Variants in ST3GAL4 observed in about 807,000 individuals in gnomAD.
ST3GAL4 encodes CMP-N-acetylneuraminate-beta-galactosamide-alpha-2,3-sialyltransferase 4.
A neutral mutation model predicts 42.6 loss-of-function variants in ST3GAL4; 24 were observed. The observed-to-expected ratio is 0.56, with a 90% CI of 0.41 to 0.79. ST3GAL4 has a LOEUF of 0.79. ST3GAL4 is among the 30% of genes least tolerant of loss of function. The pLI is 0.00. For missense variants in ST3GAL4, 311 were observed against 430.8 expected, an observed-to-expected ratio of 0.72 and a Z score of 2.46; for synonymous variants, 135 against 163.2, an observed-to-expected ratio of 0.83 and a Z score of 1.32.
chr11:126,401,558 A>G (rs74530630), intron 1 of ST3GAL4, among the ~76,000 whole-genome samples: 1 of 136,622 alleles, frequency 7.3e-6, no homozygotes, highest in African/African-American at 2.6e-5. Context: ...TCCCTCTCAG[A>G]AAAAAAAAAA....
In ST3GAL4 at chr11:126,376,565, C is replaced by G. The variant is rs896785060; in HGVS notation, c.-61+20723C>G. 6.6e-6 allele frequency among the ~76,000 whole-genome samples: 1 copy of G among 152,176 alleles called. No homozygotes were observed. The highest frequency in any genetic ancestry group is 1.5e-5 in the Non-Finnish European group (1 of 68,030). On this transcript the variant is annotated intron_variant, in intron 1 of 10. Transcript: ENST00000444328. The surrounding 1 kb of genome is among the most constrained non-coding windows in gnomAD (Gnocchi z 5.1). Reference sequence around the variant, plus strand: ...TATTTGTGTCAAACAGAAGCATTTACCATAAATAACCCCAGTTAAGATTTG... The same window carrying G: ...TATTTGTGTCAAACAGAAGCATTTAGCATAAATAACCCCAGTTAAGATTTG...
At chr11:126,387,998 G>T (rs1447063711) in intron 1 of ST3GAL4, among the ~76,000 whole-genome samples, 1 of 152,196 alleles carries the variant, frequency 6.6e-6, no homozygotes, top group Non-Finnish European at 1.5e-5. Flanking sequence ...GTGTTTCCTT[G>T]TCTGTGAGCA....
chr11:126,365,457 C>T (rs1394208257), intron 1 of ST3GAL4, among the ~76,000 whole-genome samples: 1 of 152,162 alleles, frequency 6.6e-6, no homozygotes, highest in African/African-American at 2.4e-5. Flanking sequence ...CCTGGCATCG[C>T]CTTCAGTTGA....
rs1328818533 is a variant in ST3GAL4 at position 126,391,382 on chromosome 11, CT to C, written c.-60-14713del. 6.6e-6 allele frequency among the ~76,000 whole-genome samples: 1 copy of C among 152,008 alleles called. No homozygotes were observed. Among genetic ancestry groups the C allele is most frequent in the African/African-American group, 2.4e-5 (1 of 41,370 alleles). On this transcript the variant is annotated intron_variant, in intron 1 of 10. Coordinates refer to ENST00000444328, the MANE Select transcript of ST3GAL4 (RefSeq NM_001254757.2). The surrounding 1 kb of genome is among the most constrained non-coding windows in gnomAD (Gnocchi z 5.5). ...TGAGCACTTAGCAACCTTGTGCCTG[CT>C]GAGTGGTGGAACAGTTCTGAAAAGG...
At position 126,383,978 on chromosome 11, in the gene ST3GAL4, C is replaced by T. The variant is rs577274744; in HGVS notation, c.-60-22118C>T. Among the ~76,000 whole-genome samples, 1 of 152,264 alleles carries T rather than the reference C, an allele frequency of 6.6e-6. No individual in the cohort carries two copies. Among genetic ancestry groups the T allele is most frequent in the East Asian group, 1.9e-4 (1 of 5,168 alleles). ...GGGTGGAGGGCTTGCTTTTCCTGCCCACCCTCATCTTTGCCGAGTCCTCGT... is the reference window on the plus strand; with the variant it reads ...GGGTGGAGGGCTTGCTTTTCCTGCCTACCCTCATCTTTGCCGAGTCCTCGT... On this transcript the variant is annotated intron_variant, in intron 1 of 10. Coordinates refer to ENST00000444328, the MANE Select transcript of ST3GAL4 (RefSeq NM_001254757.2). The surrounding 1 kb of genome is among the most constrained non-coding windows in gnomAD (Gnocchi z 4.5).
intron 1 of ST3GAL4, among the ~76,000 whole-genome samples, chr11:126,375,745 G>A (rs1372432187): frequency 6.6e-6 from 1 of 152,140 alleles, no homozygotes. Flanking sequence ...CTGGTGTCTA[G>A]TGGGTAGAGG....
chr11:126,377,981 C>T (rs183838357), intron 1 of ST3GAL4, among the ~76,000 whole-genome samples: 57 of 152,158 alleles, frequency 3.7e-4, no homozygotes, highest in African/African-American at 1.2e-3. Context: ...CTGAGAGAAA[C>T]GGGCTCTTAC....
chr11:126,383,852 C>T lies in ST3GAL4; in HGVS notation c.-60-22244C>T, dbSNP rs1195328401. ...CCTCCTCCCCTCGTCTTCCCTCCCT[C>T]ATGGCCCACCTTTACTCTGAGGGGG... On this transcript the variant is annotated intron_variant, in intron 1 of 10. Coordinates refer to ENST00000444328, the MANE Select transcript of ST3GAL4 (RefSeq NM_001254757.2). The surrounding 1 kb of genome is among the most constrained non-coding windows in gnomAD (Gnocchi z 4.5). Among the ~76,000 whole-genome samples, 2 of 152,330 alleles carry T rather than the reference C, an allele frequency of 1.3e-5. No homozygotes were observed. The highest frequency in any genetic ancestry group is 4.8e-5 in the African/African-American group (2 of 41,580).
At chr11:126,375,456 A>G (rs1420012099) in intron 1 of ST3GAL4, among the ~76,000 whole-genome samples, 4 of 152,022 alleles carry the variant, frequency 2.6e-5, no homozygotes, top group African/African-American at 9.7e-5. Context: ...TCTGCACGGG[A>G]TGGTTTTAGA....
rs1954614689 is a variant in ST3GAL4 at position 126,413,389 on chromosome 11, C to T, written c.772-116C>T. ...TTAGCTCGTGGCTTGTCTTGTTGGA[C>T]AGCGCAGATGGAGAACGTTTCCGTG... On this transcript the variant is annotated intron_variant, in intron 9 of 10. Coordinates refer to ENST00000444328, the MANE Select transcript of ST3GAL4 (RefSeq NM_001254757.2). 5.2e-6 allele frequency: 7 copies of T among 1,336,988 alleles called. No individual in the cohort carries two copies. The Admixed American group carries it at 7.5e-5, about 14-fold the overall frequency. 82.8% of individuals were successfully genotyped at this position (1,336,988 alleles called of 1,614,324 possible).
chr11:126,409,143 C>T lies in ST3GAL4; in HGVS notation c.628-125C>T. 8.3e-7 allele frequency: 1 copy of T among 1,210,566 alleles called. No individual in the cohort carries two copies. The highest frequency in any genetic ancestry group is 1.2e-6 in the Non-Finnish European group (1 of 847,584). 75.0% of individuals were successfully genotyped at this position (1,210,566 alleles called of 1,614,324 possible). The stretch of plus-strand genomic sequence containing the variant: ...CAGACTTCACCTCCCTTTCCTCTCA[C>T]CTTGTGCTCCTGAAGGCCTCTGCCA... On this transcript the variant is annotated intron_variant, in intron 8 of 10. Transcript: ENST00000444328. The surrounding 1 kb of genome is among the most constrained non-coding windows in gnomAD (Gnocchi z 4.9).
At chr11:126,389,657 T>A (rs1050586197) in intron 1 of ST3GAL4, among the ~76,000 whole-genome samples, 1 of 152,194 alleles carries the variant, frequency 6.6e-6, no homozygotes, top group African/African-American at 2.4e-5. Context: ...TCTCATCTCC[T>A]GGGCTCAAGT....
At chr11:126,357,490 C>T (rs1952111139) in intron 1 of ST3GAL4, among the ~76,000 whole-genome samples, 1 of 152,100 alleles carries the variant, frequency 6.6e-6, no homozygotes, top group African/African-American at 2.4e-5. Flanking sequence ...GAGCTGGCGG[C>T]CCAGGCTGAG....
rs779792555 is a variant in ST3GAL4 at position 126,398,361 on chromosome 11, T to C, written c.-60-7735T>C. The stretch of plus-strand genomic sequence containing the variant: ...AATCCCAACTTGACAATAATCTTCT[T>C]TGACTCCATGTCCTGCCTTCCAGAC... On this transcript the variant is annotated intron_variant, in intron 1 of 10. Coordinates refer to ENST00000444328, the MANE Select transcript of ST3GAL4 (RefSeq NM_001254757.2). This position sits in a 1 kb window ranked among gnomAD's most constrained non-coding sequence, Gnocchi z 4.7. Among the ~76,000 whole-genome samples the C allele has an allele frequency of 3.9e-5, 6 of 152,242 alleles. No individual in the cohort carries two copies. Among genetic ancestry groups the C allele is most frequent in the Non-Finnish European group, 7.3e-5 (5 of 68,040 alleles).
chr11:126,385,223 C>T (rs987457581), intron 1 of ST3GAL4, among the ~76,000 whole-genome samples: 3 of 151,576 alleles, frequency 2.0e-5, no homozygotes, highest in Non-Finnish European at 2.9e-5. Flanking sequence ...GTGGCGATCT[C>T]GGCTCACTGC....
In ST3GAL4 at chr11:126,384,551, G is replaced by A. The variant is rs1312568291; in HGVS notation, c.-60-21545G>A. Among the ~76,000 whole-genome samples the A allele has an allele frequency of 6.6e-6, 1 of 152,148 alleles. No homozygotes were observed. The highest frequency in any genetic ancestry group is 1.5e-5 in the Non-Finnish European group (1 of 68,006). The stretch of plus-strand genomic sequence containing the variant: ...GGGTCACCATGGACAGGAGGCTGGT[G>A]TCTGGTCAGGCTGAGGGATCCGTGT... On this transcript the variant is annotated intron_variant, in intron 1 of 10. Transcript: ENST00000444328. This position sits in a 1 kb window ranked among gnomAD's most constrained non-coding sequence, Gnocchi z 5.5.
Position 126,409,029 on chromosome 11 carries a change from C to T in ST3GAL4, c.628-239C>T, listed in dbSNP as rs1183188127. Among the ~76,000 whole-genome samples, 1 of 152,176 alleles carries T rather than the reference C, an allele frequency of 6.6e-6. No individual in the cohort carries two copies. The highest frequency in any genetic ancestry group is 1.5e-5 in the Non-Finnish European group (1 of 68,036). On this transcript the variant is annotated intron_variant, in intron 8 of 10. Transcript: ENST00000444328. This position sits in a 1 kb window ranked among gnomAD's most constrained non-coding sequence, Gnocchi z 4.9. ...GAAGTGGTCCATGGTTTAGACCCTC[C>T]ACTCTATACACCTGGTCACCTGGCC...
intron 1 of ST3GAL4, among the ~76,000 whole-genome samples, chr11:126,371,143 T>TTGA (rs200467320): frequency 2.8e-5 from 4 of 144,536 alleles, no homozygotes; most frequent in African/African-American, 1.0e-4. Flanking sequence ...CTATGATCTA[T>TTGA]TCTATTCTTC....
chr11:126,377,479 CTTT>C (rs59029262), intron 1 of ST3GAL4, among the ~76,000 whole-genome samples: 9 of 117,636 alleles, frequency 7.7e-5, no homozygotes, highest in East Asian at 2.6e-4. Context: ...CCAACACCTT[CTTT>C]TTTTTTTTTT....
Sources: allele counts gnomAD v4.1 joint callset (sites outside exome capture counted in the v4.1 genomes callset), GRCh38; gene constraint gnomAD v4.1.1; non-coding constraint Gnocchi (gnomAD v3.1); transcripts MANE v1.5; gene names NCBI Gene and HGNC (gene_info 2026-07-23, HGNC 2026-07-21).